The following OPRM1 variants were observed in gnomAD, a reference collection of about 807,000 sequenced individuals.
OPRM1 encodes mu-type opioid receptor.
In OPRM1, 27 loss-of-function variants were observed where a neutral mutation model predicts 31.8. That is an observed-to-expected ratio of 0.85 (90% CI 0.63 to 1.17). The LOEUF is 1.17. OPRM1 is among the 50% of genes most tolerant of loss of function. The probability of loss-of-function intolerance (pLI) is 0.00; values close to 1 mark genes in which losing one functional copy is unlikely to be tolerated. For synonymous variants in OPRM1, 196 were observed against 189.9 expected (o/e 1.03, Z -0.26); for missense variants, 536 against 511.1 (o/e 1.05, Z -0.47).
downstream of OPRM1, among the ~76,000 whole-genome samples, chr6:154,134,655 A>G (rs1223042250): frequency 6.6e-6 from 1 of 152,166 alleles, no homozygotes; most frequent in Admixed American, 6.5e-5. Context: ...GTTAAAAGAT[A>G]TTCAACCAGG....
At chr6:154,142,169 C>G (rs1471113032) in intron 3 of OPRM1, among the ~76,000 whole-genome samples, 2 of 54,022 alleles carry the variant, frequency 3.7e-5, no homozygotes. Flanking sequence ...CAGGCATGAG[C>G]AGGGCAGGAC....
At chr6:154,245,549 C>T (rs1456490772) in intron 3 of OPRM1, among the ~76,000 whole-genome samples, 1 of 152,194 alleles carries the variant, frequency 6.6e-6, no homozygotes, top group Non-Finnish European at 1.5e-5. Flanking sequence ...ATATGCAGTA[C>T]TTATTTTGCA....
intron 3 of OPRM1, among the ~76,000 whole-genome samples, chr6:154,105,328 G>T (rs959431676): frequency 1.3e-5 from 2 of 152,098 alleles, no homozygotes; most frequent in Non-Finnish European, 2.9e-5. Flanking sequence ...CAAAACAAAG[G>T]ATCAGCAATG....
intron 1 of OPRM1, among the ~76,000 whole-genome samples, chr6:154,016,508 A>G (rs1430614420): frequency 6.6e-6 from 1 of 152,174 alleles, no homozygotes; most frequent in Non-Finnish European, 1.5e-5. Flanking sequence ...CCTTTAAGTG[A>G]GGGAAGAAGG....
rs372228218 is a variant in OPRM1 at position 154,085,061 on chromosome 6, G to A, written c.291-4765G>A. 2.6e-5 allele frequency among the ~76,000 whole-genome samples: 4 copies of A among 152,060 alleles called. No individual in the cohort carries two copies. The East Asian group carries it at 7.7e-4, about 29-fold the overall frequency. On this transcript the variant is annotated intron_variant, in intron 1 of 3. Transcript: ENST00000330432. ...AAATAATTAACCACAAAACTAAACA[G>A]AAGTTTACAAAACCCATCAGGTGTA...
At chr6:154,142,142 T>C (rs1798231148) in intron 3 of OPRM1, among the ~76,000 whole-genome samples, 3 of 53,132 alleles carry the variant, frequency 5.6e-5, no homozygotes. Flanking sequence ...GGGCTTGTGT[T>C]ACAGTGGGTA....
chr6:154,162,740 T>C (rs1799125058), intron 3 of OPRM1, among the ~76,000 whole-genome samples: 1 of 152,182 alleles, frequency 6.6e-6, no homozygotes, highest in Admixed American at 6.5e-5. Flanking sequence ...AAGAAATCTC[T>C]CCCACTCTCC....
rs1043952526 is a variant in OPRM1, at chr6:154,122,975, A to C, written c.*4254A>C. ...TATCCGAGCTCGTTGTCTCACAACCAAGAAAATTAAGGAGCATGGACACAA... is the reference window on the plus strand; with the variant it reads ...TATCCGAGCTCGTTGTCTCACAACCCAGAAAATTAAGGAGCATGGACACAA... On this transcript the variant is annotated 3_prime_UTR_variant, in exon 4 of 4. Coordinates refer to ENST00000330432, the MANE Select transcript of OPRM1 (RefSeq NM_000914.5). Among the ~76,000 whole-genome samples, 4 of 152,196 alleles carry C rather than the reference A, an allele frequency of 2.6e-5. No individual in the cohort carries two copies. Among genetic ancestry groups the C allele is most frequent in the African/African-American group, 9.7e-5 (4 of 41,448 alleles).
In OPRM1 at chr6:154,199,627, T is replaced by C. The variant is rs2295678; in HGVS notation, c.1165-47066T>C. ...TATTACAGTTCCATATACAAACAAATATTCACTCTCTAACGAAGAATAAAT... is the reference window on the plus strand; with the variant it reads ...TATTACAGTTCCATATACAAACAAACATTCACTCTCTAACGAAGAATAAAT... On this transcript the variant is annotated intron_variant, in intron 3 of 3. Transcript: ENST00000337049. 1.1e-3 allele frequency: 1,646 copies of C among 1,522,240 alleles called. 32 individuals carry two copies. In the East Asian group the frequency reaches 0.035, roughly 32 times the overall value. 94.3% of individuals were successfully genotyped at this position (1,522,240 alleles called of 1,614,324 possible). A position where few individuals can be genotyped will look rare whatever the true frequency, so the allele number is the denominator to read the frequency against.
At chr6:154,035,433 A>T (rs548189684), upstream of OPRM1, among the ~76,000 whole-genome samples, 1 of 152,280 alleles carries the variant, frequency 6.6e-6, no homozygotes, top group South Asian at 2.1e-4. Context: ...CTCATTAGCT[A>T]TGCCCATTTA....
At chr6:154,177,208 C>T (rs9371330) in intron 3 of OPRM1, among the ~76,000 whole-genome samples, 7,696 of 151,250 alleles carry the variant, frequency 0.051, 311 homozygotes, top group South Asian at 0.2. Flanking sequence ...TAGGCAATAC[C>T]GTTCAGGACA....
At chr6:154,038,406 G>A (rs771982422), upstream of OPRM1, among the ~76,000 whole-genome samples, 1 of 152,010 alleles carries the variant, frequency 6.6e-6, no homozygotes, top group African/African-American at 2.4e-5. Flanking sequence ...TTAGAAGTAA[G>A]GTATAAAATT....
At chr6:154,227,317 C>T (rs1379089317) in intron 3 of OPRM1, among the ~76,000 whole-genome samples, 1 of 152,188 alleles carries the variant, frequency 6.6e-6, no homozygotes, top group Non-Finnish European at 1.5e-5. Context: ...AGTTTCTAGA[C>T]AACTCATTTT....
intron 1 of OPRM1, among the ~76,000 whole-genome samples, chr6:154,050,758 G>C (rs1293395713): frequency 1.3e-5 from 2 of 152,080 alleles, no homozygotes; most frequent in African/African-American, 4.8e-5. Flanking sequence ...ATAACATAAA[G>C]AATGTAATTG....
intron 3 of OPRM1, chr6:154,222,974 T>G (rs1306591714): frequency 3.3e-6 from 2 of 598,964 alleles, no homozygotes; most frequent in African/African-American, 1.9e-5. Context: ...ATCCATCTGC[T>G]CCACAAAACG....
At chr6:154,223,133 T>C (rs1035731657) in intron 3 of OPRM1, 48 of 1,488,226 alleles carry the variant, frequency 3.2e-5, no homozygotes, top group Non-Finnish European at 4.5e-5. Flanking sequence ...GATAGTATCC[T>C]GGCTCAGAGT....
rs967474716 is a variant in OPRM1 at position 154,125,107 on chromosome 6, G to A, written c.*6386G>A. ...ACAAAACTATACCAGTTTTTTGTTA[G>A]TGTAAAAATTGCCCAATATTAACCA... On this transcript the variant is annotated 3_prime_UTR_variant, in exon 4 of 4. Coordinates refer to ENST00000330432, the MANE Select transcript of OPRM1 (RefSeq NM_000914.5). Among the ~76,000 whole-genome samples, 3 of 152,154 alleles carry A rather than the reference G, an allele frequency of 2.0e-5. No individual in the cohort carries two copies. Among genetic ancestry groups the A allele is most frequent in the Non-Finnish European group, 4.4e-5 (3 of 68,018 alleles).
chr6:154,108,884 A>G, intron 3 of OPRM1: 3 of 984,514 alleles, frequency 3.0e-6, no homozygotes, highest in Non-Finnish European at 3.6e-6. Flanking sequence ...TTAAAAATAC[A>G]GTAGTTACTA....
In OPRM1 at chr6:154,039,608, TGCTCCCCAGCACCCAG is replaced by T; in HGVS notation, c.65_80del (p.Cys22SerfsTer11). The stretch of plus-strand genomic sequence containing the variant: ...CACTGATGCCTTGGCGTACTCAAGT[TGCTCCCCAGCACCCAG>T]CCCCGGTTCCTGGGTCAACTTGTCC... On this transcript the variant is annotated frameshift_variant, in exon 1 of 4. Coordinates refer to ENST00000330432, the MANE Select transcript of OPRM1 (RefSeq NM_000914.5). LOFTEE classifies it high-confidence loss of function. The T allele has an allele frequency of 6.2e-7, 1 of 1,613,956 alleles. No homozygotes were observed. The highest frequency in any genetic ancestry group is 1.1e-5 in the South Asian group (1 of 91,060).
Sources: allele counts gnomAD v4.1 joint callset (sites outside exome capture counted in the v4.1 genomes callset), GRCh38; gene constraint gnomAD v4.1.1; transcripts MANE v1.5; gene names NCBI Gene and HGNC (gene_info 2026-07-23, HGNC 2026-07-21).